NRG1: variants seen among roughly 807,000 people sequenced by gnomAD.
The protein encoded by NRG1 is pro-neuregulin-1, membrane-bound isoform.
NRG1 carries 18 observed loss-of-function variants against 63.8 expected under a neutral mutation model. The observed-to-expected ratio is 0.28, with a 90% CI of 0.19 to 0.42. The LOEUF (loss-of-function observed/expected upper bound fraction) is 0.42, where lower values mean the gene tolerates loss of function less well. Ranked by LOEUF, NRG1 falls within the 10% of genes least tolerant of loss-of-function variation. The pLI, the probability that NRG1 is intolerant of heterozygous loss-of-function variation, is 1.00. For missense variants in NRG1, 762 were observed against 814.7 expected, an observed-to-expected ratio of 0.94 and a Z score of 0.79; for synonymous variants, 302 against 301.3, an observed-to-expected ratio of 1.00 and a Z score of -0.02.
intron 1 of NRG1, among the ~76,000 whole-genome samples, chr8:31,815,888 T>C (rs1473467217): frequency 6.6e-6 from 1 of 152,162 alleles, no homozygotes; most frequent in Non-Finnish European, 1.5e-5. Context: ...ATAATTTTTA[T>C]TTGTATTTCT....
chr8:32,186,492 A>G (rs1356857290), intron 1 of NRG1, among the ~76,000 whole-genome samples: 2 of 151,928 alleles, frequency 1.3e-5, no homozygotes, highest in African/African-American at 4.8e-5. Flanking sequence ...AAGAAAGAAA[A>G]AGAAAAAAAA....
chr8:32,300,754 A>G (rs1855488650), intron 1 of NRG1, among the ~76,000 whole-genome samples: 1 of 152,216 alleles, frequency 6.6e-6, no homozygotes, highest in Non-Finnish European at 1.5e-5. Flanking sequence ...TTCCTTCAGG[A>G]AAATGATTCA....
intron 1 of NRG1, among the ~76,000 whole-genome samples, chr8:31,809,856 G>T (rs1201718261): frequency 1.5e-5 from 2 of 130,392 alleles, no homozygotes; most frequent in Non-Finnish European, 1.6e-5. Context: ...TTTTTTTTTA[G>T]GGTCAGATCC....
intron 5 of NRG1, among the ~76,000 whole-genome samples, chr8:32,683,308 A>G (rs1809191518): frequency 6.6e-6 from 1 of 152,210 alleles, no homozygotes. Context: ...GGGCTATAGT[A>G]CTGTCAGGGA....
At chr8:32,025,729 C>T (rs1424118964) in intron 1 of NRG1, among the ~76,000 whole-genome samples, 5 of 151,888 alleles carry the variant, frequency 3.3e-5, no homozygotes, top group South Asian at 4.1e-4. Context: ...GGGCGGATCA[C>T]GAGGTCAGGA....
intron 1 of NRG1, among the ~76,000 whole-genome samples, chr8:31,834,333 A>G (rs542344136): frequency 2.0e-5 from 3 of 151,218 alleles, no homozygotes; most frequent in South Asian, 4.2e-4. Flanking sequence ...ACACACACGC[A>G]CACCAATTTG....
intron 1 of NRG1, among the ~76,000 whole-genome samples, chr8:32,275,684 G>A (rs2129472788): frequency 1.3e-5 from 2 of 152,192 alleles, no homozygotes; most frequent in South Asian, 4.1e-4. Flanking sequence ...TCAAATTATG[G>A]AGGACTGAGT....
At chr8:32,706,141 A>G (rs1290910418) in intron 5 of NRG1, among the ~76,000 whole-genome samples, 1 of 152,210 alleles carries the variant, frequency 6.6e-6, no homozygotes, top group Non-Finnish European at 1.5e-5. Flanking sequence ...AGTTTCACAA[A>G]AACTAAATCT....
chr8:32,709,568 G>T (rs1817288922), intron 5 of NRG1, among the ~76,000 whole-genome samples: 1 of 151,796 alleles, frequency 6.6e-6, no homozygotes, highest in South Asian at 2.1e-4. Flanking sequence ...ATACCACCAT[G>T]CCCGGCTAAT....
intron 6 of NRG1, among the ~76,000 whole-genome samples, chr8:32,734,778 T>C (rs1824581980): frequency 6.6e-6 from 1 of 152,184 alleles, no homozygotes; most frequent in African/African-American, 2.4e-5. Context: ...TTAGGTGTAG[T>C]TTTACCTAAA....
chr8:32,372,347 G>A (rs1173419780), intron 1 of NRG1, among the ~76,000 whole-genome samples: 1 of 151,790 alleles, frequency 6.6e-6, no homozygotes, highest in Non-Finnish European at 1.5e-5. Flanking sequence ...CCCAGGCTCT[G>A]CCATCTCCAT....
intron 1 of NRG1, among the ~76,000 whole-genome samples, chr8:31,922,449 G>C (rs1480173213): frequency 6.6e-6 from 1 of 152,152 alleles, no homozygotes; most frequent in African/African-American, 2.4e-5. Flanking sequence ...GAACTATGTG[G>C]TTAAATGACT....
At chr8:31,852,056 C>G (rs1288109875) in intron 1 of NRG1, among the ~76,000 whole-genome samples, 2 of 142,720 alleles carry the variant, frequency 1.4e-5, no homozygotes, top group African/African-American at 5.3e-5. Context: ...GTGAATAGTG[C>G]CGCAATAAAC....
At chr8:32,592,172 A>G (rs922106306) in intron 1 of NRG1, among the ~76,000 whole-genome samples, 2 of 151,642 alleles carry the variant, frequency 1.3e-5, no homozygotes, top group Admixed American at 6.6e-5. Flanking sequence ...TTGCTAAACC[A>G]TCTAAAGTTT....
intron 1 of NRG1, among the ~76,000 whole-genome samples, chr8:31,979,366 C>T (rs1410908693): frequency 2.0e-5 from 3 of 152,094 alleles, no homozygotes; most frequent in African/African-American, 7.2e-5. Flanking sequence ...ATTTCTTCCC[C>T]AAATATGCAT....
At position 32,756,455 on chromosome 8, in the gene NRG1, C is replaced by T. The variant is rs1273790000; in HGVS notation, c.847C>T (p.Arg283Ter). ...TCTTCGGCAGAGCCTTCGGTCTGAACGAAACAATATGATGAACATTGCCAA... is the reference window on the plus strand; with the variant it reads ...TCTTCGGCAGAGCCTTCGGTCTGAATGAAACAATATGATGAACATTGCCAA... Residue 283 changes from arginine to a stop codon, truncating the protein, a stop_gained, in exon 9 of 12, where the codon CGA becomes TGA. Transcript: ENST00000356819. LOFTEE classifies it high-confidence loss of function. 6 of 1,613,606 alleles carry T rather than the reference C, an allele frequency of 3.7e-6. No individual in the cohort carries two copies. The highest frequency in any genetic ancestry group is 2.2e-5 in the East Asian group (1 of 44,836).
chr8:32,661,014 T>C (rs773658324), intron 5 of NRG1, among the ~76,000 whole-genome samples: 10 of 152,206 alleles, frequency 6.6e-5, no homozygotes, highest in Non-Finnish European at 1.5e-4. Context: ...TTTTCCTCTG[T>C]GTGATTTATG....
At chr8:32,311,411 A>C (rs939645941) in intron 1 of NRG1, among the ~76,000 whole-genome samples, 3 of 152,160 alleles carry the variant, frequency 2.0e-5, no homozygotes, top group African/African-American at 4.8e-5. Flanking sequence ...TGAAGCTGAG[A>C]GTTCAAATGC....
chr8:32,477,725 A>G (rs1824705590), intron 1 of NRG1, among the ~76,000 whole-genome samples: 1 of 152,202 alleles, frequency 6.6e-6, no homozygotes, highest in Non-Finnish European at 1.5e-5. Context: ...AACTAAATCC[A>G]AAAATAGTAT....
Sources: allele counts gnomAD v4.1 joint callset (sites outside exome capture counted in the v4.1 genomes callset), GRCh38; gene constraint gnomAD v4.1.1; transcripts MANE v1.5; gene names NCBI Gene and HGNC (gene_info 2026-07-23, HGNC 2026-07-21).